MED15: variants seen among roughly 807,000 people sequenced by gnomAD.
MED15 encodes the protein mediator of RNA polymerase II transcription subunit 15.
MED15 carries 41 observed loss-of-function variants against 118.7 expected under a neutral mutation model. The observed-to-expected ratio is 0.35, with a 90% CI of 0.27 to 0.45. The LOEUF (loss-of-function observed/expected upper bound fraction) is 0.45. MED15 is among the 20% of genes least tolerant of loss of function. MED15 has a pLI of 1.00. For missense variants in MED15, 740 were observed against 1,025.5 expected, an observed-to-expected ratio of 0.72 and a Z score of 3.80; for synonymous variants, 436 against 413.9, an observed-to-expected ratio of 1.05 and a Z score of -0.65.
At chr22:20,583,473 G>C in intron 13 of MED15, 80 bp downstream of exon 13, 1 of 1,551,864 alleles carries the variant, frequency 6.4e-7, no homozygotes, top group Non-Finnish European at 8.9e-7. Flanking sequence ...GTGATGATGT[G>C]GGTTTAACAA....
At chr22:20,580,736 T>C (rs1190568742) in intron 9 of MED15, among the ~76,000 whole-genome samples, 3 of 152,222 alleles carry the variant, frequency 2.0e-5, no homozygotes, top group African/African-American at 7.2e-5. Context: ...GTCTGGGACA[T>C]GCCCTTACTC....
At position 20,574,118 on chromosome 22, in the gene MED15, G is replaced by T. The variant is rs544144385; in HGVS notation, c.1153-995G>T. 6.6e-5 allele frequency: 10 copies of T among 152,398 alleles called. No individual in the cohort carries two copies. The East Asian group carries it at 1.9e-3, about 29-fold the overall frequency. 9.4% of individuals were successfully genotyped at this position (152,398 alleles called of 1,614,324 possible). ...GCACCTGTCGCTGCCTGCACCGAAG[G>T]CTGGCAGCACCTCCTGGAGCTTGGG... On this transcript the variant is annotated intron_variant, in intron 8 of 17. Coordinates refer to ENST00000263205, the MANE Select transcript of MED15 (RefSeq NM_001003891.3).
intron 9 of MED15, among the ~76,000 whole-genome samples, chr22:20,578,769 C>G (rs780082792): frequency 1.3e-5 from 2 of 152,208 alleles, no homozygotes; most frequent in Non-Finnish European, 2.9e-5. Context: ...CAGCAGGACA[C>G]AGTCTGGAGA....
intron 5 of MED15, among the ~76,000 whole-genome samples, chr22:20,563,019 G>C (rs930800588): frequency 8.6e-5 from 13 of 150,856 alleles, no homozygotes; most frequent in African/African-American, 2.7e-4. Context: ...CTGGGCAACA[G>C]AGTGAGACCC....
chr22:20,546,294 C>T (rs903573313), intron 2 of MED15, among the ~76,000 whole-genome samples: 1 of 152,014 alleles, frequency 6.6e-6, no homozygotes. Context: ...GAGAGGGTGC[C>T]GTGGTCTTTT....
At chr22:20,532,867 G>T (rs1262455454) in intron 1 of MED15, among the ~76,000 whole-genome samples, 1 of 152,190 alleles carries the variant, frequency 6.6e-6, no homozygotes, top group East Asian at 1.9e-4. Context: ...CGTCTTCCCG[G>T]CTTGCTTGTG....
intron 7 of MED15, among the ~76,000 whole-genome samples, chr22:20,567,795 G>A (rs1437254565): frequency 1.3e-5 from 2 of 152,144 alleles, no homozygotes; most frequent in Non-Finnish European, 2.9e-5. Context: ...GGCCTGTCTC[G>A]TCCTTCTGGA....
intron 2 of MED15, among the ~76,000 whole-genome samples, chr22:20,543,557 TC>T (rs996944388): frequency 7.5e-5 from 11 of 146,862 alleles, no homozygotes; most frequent in South Asian, 4.3e-4. Flanking sequence ...CCAAGCTGAG[TC>T]CTTTTTTTTA....
At chr22:20,549,795 G>A (rs947059970) in intron 2 of MED15, among the ~76,000 whole-genome samples, 3 of 152,164 alleles carry the variant, frequency 2.0e-5, no homozygotes, top group Non-Finnish European at 4.4e-5. Context: ...CGCCTACTGT[G>A]GGTCAGGAGT....
At chr22:20,549,609 A>C (rs1569207052) in intron 2 of MED15, among the ~76,000 whole-genome samples, 1 of 152,138 alleles carries the variant, frequency 6.6e-6, no homozygotes, top group African/African-American at 2.4e-5. Flanking sequence ...GTTCCTAGAT[A>C]AACCTGCCTT....
Position 20,546,322 on chromosome 22 carries a change from A to C in MED15, c.157-5114A>C, listed in dbSNP as rs77988621. ...GGTCTTTTAGCAAAAATATATCCGA[A>C]GTATTGCCTTAATTTGTATTTCTGG... On this transcript the variant is annotated intron_variant, in intron 2 of 17. Transcript: ENST00000263205. Among the ~76,000 whole-genome samples the C allele has an allele frequency of 6.1e-3, 934 of 152,182 alleles. 10 individuals are homozygous for C. Among genetic ancestry groups the C allele is most frequent in the African/African-American group, 0.021 (888 of 41,506 alleles).
chr22:20,537,340 T>C (rs1201894846), intron 2 of MED15, 136 bp downstream of exon 2: 3 of 691,038 alleles, frequency 4.3e-6, no homozygotes, highest in African/African-American at 1.8e-5. Flanking sequence ...ACAGGCACAG[T>C]TGGTTTTGCC....
At chr22:20,549,565 G>A (rs1334734093) in intron 2 of MED15, among the ~76,000 whole-genome samples, 1 of 152,110 alleles carries the variant, frequency 6.6e-6, no homozygotes, top group Admixed American at 6.5e-5. Flanking sequence ...GAAAGGAGTT[G>A]TTGTGGTTGA....
At chr22:20,580,708 T>TAGAAC (rs768750812) in intron 9 of MED15, among the ~76,000 whole-genome samples, 9 of 152,188 alleles carry the variant, frequency 5.9e-5, no homozygotes, top group Non-Finnish European at 1.2e-4. Context: ...TGGATAAGTC[T>TAGAAC]AGAACATGTG....
chr22:20,535,653 G>A (rs1025447095), intron 1 of MED15, among the ~76,000 whole-genome samples: 6 of 150,124 alleles, frequency 4.0e-5, no homozygotes, highest in Admixed American at 6.7e-5. Flanking sequence ...TCCGCCTCCC[G>A]GGTTCATGCC....
At chr22:20,515,516 G>A (rs193292218) in intron 1 of MED15, among the ~76,000 whole-genome samples, 106 of 152,232 alleles carry the variant, frequency 7.0e-4, no homozygotes, top group Non-Finnish European at 1.2e-3. Context: ...AAGGCTGGGC[G>A]TAGTGGCTCA....
intron 1 of MED15, chr22:20,521,969 G>C (rs1203375647): frequency 6.6e-6 from 1 of 152,134 alleles, no homozygotes; most frequent in Admixed American, 6.6e-5. Context: ...GACCTCAGGT[G>C]ATCCACCCGC....
At chr22:20,549,805 T>G (rs1033095868) in intron 2 of MED15, among the ~76,000 whole-genome samples, 4 of 151,694 alleles carry the variant, frequency 2.6e-5, no homozygotes, top group African/African-American at 9.7e-5. Context: ...GGGTCAGGAG[T>G]GGTGCTGGGC....
In MED15 at chr22:20,564,616, GCAGCAGCAGCTC is replaced by G. The variant is rs755339701; in HGVS notation, c.629_640del (p.Leu210_Gln213del). 358 of 1,610,786 alleles carry G rather than the reference GCAGCAGCAGCTC, an allele frequency of 2.2e-4. No homozygotes were observed. The highest frequency in any genetic ancestry group is 2.9e-4 in the Non-Finnish European group (343 of 1,178,426). ...AGCAGTTCCAAGCAGTAGTGCAGCA[GCAGCAGCAGCTC>G]CAGCAGCAGCAGCAGCAGCAGCAGC... On this transcript the variant is annotated inframe_deletion, in exon 6 of 18. Transcript: ENST00000263205.
Sources: allele counts gnomAD v4.1 joint callset (sites outside exome capture counted in the v4.1 genomes callset), GRCh38; gene constraint gnomAD v4.1.1; transcripts MANE v1.5; gene names NCBI Gene and HGNC (gene_info 2026-07-23, HGNC 2026-07-21).